Variants in SH3PXD2A observed in about 807,000 individuals in gnomAD.
The protein encoded by SH3PXD2A is SH3 and PX domains 2A.
A neutral mutation model predicts 115.2 loss-of-function variants in SH3PXD2A; 32 were observed. That is an observed-to-expected ratio of 0.28 (90% CI 0.21 to 0.37). SH3PXD2A has a LOEUF of 0.37. SH3PXD2A is among the 10% of genes least tolerant of loss of function. The pLI, the probability that SH3PXD2A is intolerant of heterozygous loss-of-function variation, is 1.00. For missense variants in SH3PXD2A, 1,328 were observed against 1,498.7 expected (o/e 0.89, Z 1.88); for synonymous variants, 610 against 629.1 (o/e 0.97, Z 0.45).
chr10:103,668,622 T>C lies in SH3PXD2A; in HGVS notation c.458A>G (p.Lys153Arg), dbSNP rs763250710. 1 of 1,557,672 alleles carries C rather than the reference T, an allele frequency of 6.4e-7. No homozygotes were observed. The highest frequency in any genetic ancestry group is 8.7e-7 in the Non-Finnish European group (1 of 1,150,502). ...VWLSSWAESPKKDVTGADATA... is the reference protein window; with the variant it reads ...VWLSSWAESPRKDVTGADATA... ...CTGGGCAGTACCTGTCACGTCCTTC[T>C]TGGGCGACTCAGCCCAGCTGGACAG... Residue 153 changes from lysine to arginine, a missense_variant, in exon 7 of 15, where the codon AAG (lysine) becomes AGG (arginine). Physicochemically the swap from Lys to Arg is conservative, Grantham distance 26. Transcript: ENST00000369774.
intron 14 of SH3PXD2A, among the ~76,000 whole-genome samples, chr10:103,604,101 C>T (rs2036264103): frequency 6.6e-6 from 1 of 152,214 alleles, no homozygotes; most frequent in Non-Finnish European, 1.5e-5. Flanking sequence ...TGTTCCCAGT[C>T]CCTACAATCC....
intron 2 of SH3PXD2A, among the ~76,000 whole-genome samples, chr10:103,799,644 A>C (rs11191811): frequency 0.011 from 1,647 of 152,324 alleles, 21 homozygotes; most frequent in Non-Finnish European, 0.016. Context: ...AGGGGGAAGA[A>C]AAGTTCTGAT....
At chr10:103,608,165 A>AAAAAGTTTAC (rs2036360667) in intron 13 of SH3PXD2A, among the ~76,000 whole-genome samples, 1 of 146,054 alleles carries the variant, frequency 6.8e-6, no homozygotes, top group Non-Finnish European at 1.5e-5. Context: ...AAAAAAAAAA[A>AAAAAGTTTAC]AAAAAGAACA....
chr10:103,818,386 A>G (rs996783865), intron 1 of SH3PXD2A, among the ~76,000 whole-genome samples: 1 of 152,040 alleles, frequency 6.6e-6, no homozygotes, highest in African/African-American at 2.4e-5. Context: ...CCCATCACCA[A>G]CTCTGGCACA....
chr10:103,809,659 CTCCCTCCCTCCCT>C (rs2039246131), intron 1 of SH3PXD2A, among the ~76,000 whole-genome samples: 1 of 12,956 alleles, frequency 7.7e-5, no homozygotes, highest in Non-Finnish European at 1.6e-4. Flanking sequence ...CTCCTTCCCT[CTCCCTCCCTCCCT>C]CCCTCCCTCC....
intron 6 of SH3PXD2A, among the ~76,000 whole-genome samples, chr10:103,685,553 G>A (rs958097578): frequency 2.0e-5 from 3 of 152,032 alleles, no homozygotes; most frequent in South Asian, 2.1e-4. Flanking sequence ...TGAAACCAGC[G>A]CTCTCTCCTG....
chr10:103,618,158 G>A (rs186515549), intron 10 of SH3PXD2A, among the ~76,000 whole-genome samples: 1 of 152,320 alleles, frequency 6.6e-6, no homozygotes, highest in East Asian at 1.9e-4. Flanking sequence ...CCGAGGTGCT[G>A]GGAAAGAAGT....
chr10:103,701,557 C>T (rs1014932153), intron 5 of SH3PXD2A, among the ~76,000 whole-genome samples: 25 of 148,410 alleles, frequency 1.7e-4, no homozygotes, highest in Non-Finnish European at 3.0e-4. Context: ...ACTACCCATC[C>T]ATCATCTATC....
intron 2 of SH3PXD2A, among the ~76,000 whole-genome samples, chr10:103,776,432 GTGTC>G (rs1315286059): frequency 0.013 from 1,337 of 104,296 alleles, 34 homozygotes; most frequent in African/African-American, 0.045. Context: ...ATGCGTGTGT[GTGTC>G]TGTGTGTGTG....
intron 2 of SH3PXD2A, among the ~76,000 whole-genome samples, chr10:103,769,181 TGCGC>T (rs139822501): frequency 7.1e-5 from 8 of 112,948 alleles, no homozygotes; most frequent in East Asian, 2.4e-4. Context: ...TGTGTGTGTG[TGCGC>T]GCGCGCGCGC....
chr10:103,661,122 G>A lies in SH3PXD2A; in HGVS notation c.473-8C>T. The A allele has an allele frequency of 6.2e-7, 1 of 1,612,052 alleles. No individual in the cohort carries two copies. The highest frequency in any genetic ancestry group is 8.5e-7 in the Non-Finnish European group (1 of 1,179,032). On this transcript the variant is annotated splice_region_variant and splice_polypyrimidine_tract_variant and intron_variant, in intron 7 of 14. Transcript: ENST00000369774. ...CGGCGGTGGCGTCGGCACCTGGCGA[G>A]GGCAGAAAGCACGCGGTGAGCCAGC... is the stretch of plus-strand genomic sequence containing the variant.
chr10:103,642,125 CT>C (rs1406242005), intron 8 of SH3PXD2A, among the ~76,000 whole-genome samples: 1 of 150,424 alleles, frequency 6.6e-6, no homozygotes, highest in Non-Finnish European at 1.5e-5. Flanking sequence ...TGGAAATGGA[CT>C]GTATATTTAA....
In SH3PXD2A at chr10:103,597,283, G is replaced by C. The variant is rs1236424838; in HGVS notation, c.*4533C>G. ...GTTCTCACATCCCCCAAAAAGATCT[G>C]GTGACTTCTAGGCTTCCTGCCTAGA... On this transcript the variant is annotated 3_prime_UTR_variant, in exon 15 of 15. Transcript: ENST00000369774. The C allele has an allele frequency of 6.6e-6, 1 of 152,514 alleles. No homozygotes were observed. Among genetic ancestry groups the C allele is most frequent in the Non-Finnish European group, 1.5e-5 (1 of 68,036 alleles). The allele number at this position is 152,514 out of a possible 1,614,324, so 9.4% of individuals were successfully genotyped here. A position where few individuals can be genotyped will look rare whatever the true frequency, so the allele number is the denominator to read the frequency against.
chr10:103,681,744 AC>A (rs1564862393), intron 6 of SH3PXD2A, among the ~76,000 whole-genome samples: 3 of 143,282 alleles, frequency 2.1e-5, no homozygotes, highest in African/African-American at 7.9e-5. Context: ...ACTCCATCAC[AC>A]ACACACACGC....
intron 6 of SH3PXD2A, among the ~76,000 whole-genome samples, chr10:103,680,366 T>G (rs1179171206): frequency 6.6e-6 from 1 of 152,104 alleles, no homozygotes; most frequent in East Asian, 1.9e-4. Context: ...CACTGCAGCT[T>G]TAACCTCCTG....
intron 11 of SH3PXD2A, among the ~76,000 whole-genome samples, chr10:103,616,886 T>G (rs899511390): frequency 2.0e-5 from 3 of 152,210 alleles, no homozygotes; most frequent in Non-Finnish European, 4.4e-5. Flanking sequence ...AAAACCAAAT[T>G]CAGATGTGCT....
At position 103,814,472 on chromosome 10, in the gene SH3PXD2A, C is replaced by T. The variant is rs545160280; in HGVS notation, c.73-13110G>A. On this transcript the variant is annotated intron_variant, in intron 1 of 14. Coordinates refer to ENST00000369774, the MANE Select transcript of SH3PXD2A (RefSeq NM_001394015.1). ...GAAGGCAGTGGATAACGAGTGCCAG[C>T]GATGGGGAAGCAGGTCTCTGTCCAA... is the stretch of plus-strand genomic sequence containing the variant. Among the ~76,000 whole-genome samples the T allele has an allele frequency of 5.9e-5, 9 of 152,278 alleles. No individual in the cohort carries two copies. The East Asian group carries it at 7.7e-4, about 13-fold the overall frequency.
chr10:103,834,404 C>G (rs536470232), intron 1 of SH3PXD2A, among the ~76,000 whole-genome samples: 1 of 152,244 alleles, frequency 6.6e-6, no homozygotes, highest in South Asian at 2.1e-4. Context: ...GGACAGAAAG[C>G]AGGTTCATAG....
At chr10:103,663,899 G>A (rs747390197) in intron 7 of SH3PXD2A, among the ~76,000 whole-genome samples, 7 of 152,218 alleles carry the variant, frequency 4.6e-5, no homozygotes, top group African/African-American at 2.4e-5. Context: ...ACATACATTC[G>A]CACGTGCACA....
Sources: gnomAD v4.1 joint callset for allele counts (sites outside exome capture counted in the v4.1 genomes callset) on GRCh38, gnomAD v4.1.1 for gene constraint, MANE v1.5 for transcripts, NCBI Gene and HGNC (gene_info 2026-07-23, HGNC 2026-07-21) for gene names.